The following DHRS7B variants were observed in gnomAD, a reference collection of about 807,000 sequenced individuals.
DHRS7B encodes dehydrogenase/reductase 7B.
DHRS7B carries 24 observed loss-of-function variants against 26.4 expected under a neutral mutation model. That is an observed-to-expected ratio of 0.91 (90% CI 0.66 to 1.28). DHRS7B has a LOEUF of 1.28. DHRS7B is among the 50% of genes most tolerant of loss of function. The probability of loss-of-function intolerance (pLI) is 0.00; values close to 1 mark genes in which losing one functional copy is unlikely to be tolerated. For synonymous variants in DHRS7B, 142 were observed against 166.4 expected, an observed-to-expected ratio of 0.85 and a Z score of 1.13; for missense variants, 368 against 419.4, an observed-to-expected ratio of 0.88 and a Z score of 1.07.
chr17:21,150,105 TAAA>T (rs61516968), intron 1 of DHRS7B, among the ~76,000 whole-genome samples: 2 of 50,052 alleles, frequency 4.0e-5, no homozygotes, highest in Non-Finnish European at 3.8e-5. Flanking sequence ...CATCTCTATT[TAAA>T]AAAAAAAAAA....
intron 2 of DHRS7B, among the ~76,000 whole-genome samples, chr17:21,173,300 G>A (rs1049511811): frequency 6.6e-6 from 1 of 152,242 alleles, no homozygotes; most frequent in Non-Finnish European, 1.5e-5. Context: ...TTACATGCAT[G>A]ATCTCACTGA....
chr17:21,128,622 C>G (rs11204335), intron 1 of DHRS7B: 53,314 of 151,772 alleles, frequency 0.35, 9,584 homozygotes, highest in Middle Eastern at 0.42. Context: ...ATGGCGTGCT[C>G]CGGATGGCGG....
At chr17:21,130,705 TA>T (rs562202516) in intron 1 of DHRS7B, among the ~76,000 whole-genome samples, 25 of 149,942 alleles carry the variant, frequency 1.7e-4, no homozygotes, top group African/African-American at 4.6e-4. Flanking sequence ...GCATGACAAC[TA>T]AAAAAAAAAT....
chr17:21,180,073 CTTTTT>C (rs59348588), intron 3 of DHRS7B, among the ~76,000 whole-genome samples: 2 of 121,896 alleles, frequency 1.6e-5, no homozygotes, highest in Admixed American at 8.4e-5. Flanking sequence ...AGCCCACTTT[CTTTTT>C]TTTTTTTTTT....
At chr17:21,156,771 G>A (rs1326545355) in intron 1 of DHRS7B, among the ~76,000 whole-genome samples, 1 of 151,560 alleles carries the variant, frequency 6.6e-6, no homozygotes, top group Non-Finnish European at 1.5e-5. Flanking sequence ...AAATTAGTTG[G>A]ACGTGGTGGC....
chr17:21,150,388 G>A (rs140538171), intron 1 of DHRS7B, among the ~76,000 whole-genome samples: 3,001 of 151,994 alleles, frequency 0.02, 114 homozygotes, highest in African/African-American at 0.068. Context: ...AGGCTGAGGC[G>A]GGTGGATCAC....
At chr17:21,170,470 G>T (rs981494167) in intron 1 of DHRS7B, among the ~76,000 whole-genome samples, 2 of 152,196 alleles carry the variant, frequency 1.3e-5, no homozygotes, top group African/African-American at 4.8e-5. Flanking sequence ...TCATACAATG[G>T]AGGCTTGGCA....
chr17:21,189,767 C>T (rs772530184), intron 6 of DHRS7B, among the ~76,000 whole-genome samples: 6 of 152,334 alleles, frequency 3.9e-5, no homozygotes, highest in Non-Finnish European at 5.9e-5. Context: ...ATTATCTCTG[C>T]GGCATTTAAA....
intron 1 of DHRS7B, among the ~76,000 whole-genome samples, chr17:21,158,287 A>G (rs1298359588): frequency 6.6e-6 from 1 of 152,254 alleles, no homozygotes; most frequent in African/African-American, 2.4e-5. Context: ...AGTCCTATAT[A>G]GTGCAGTAAG....
intron 1 of DHRS7B, among the ~76,000 whole-genome samples, chr17:21,133,963 C>T (rs1164708513): frequency 6.6e-6 from 1 of 151,836 alleles, no homozygotes; most frequent in Non-Finnish European, 1.5e-5. Context: ...TGTCTGGCTT[C>T]AGTTTGCAGG....
At chr17:21,188,122 T>G (rs1027951213) in intron 5 of DHRS7B, among the ~76,000 whole-genome samples, 1 of 152,150 alleles carries the variant, frequency 6.6e-6, no homozygotes, top group Non-Finnish European at 1.5e-5. Flanking sequence ...AGTGCTGGGA[T>G]TACAGGTGTG....
chr17:21,166,450 G>A, intron 1 of DHRS7B: 1 of 985,264 alleles, frequency 1.0e-6, no homozygotes, highest in Non-Finnish European at 1.2e-6. Flanking sequence ...AACCGCCACT[G>A]GCAAGGTAGC....
chr17:21,167,342 C>T (rs1352775435), intron 1 of DHRS7B, among the ~76,000 whole-genome samples: 1 of 152,156 alleles, frequency 6.6e-6, no homozygotes, highest in African/African-American at 2.4e-5. Flanking sequence ...GACTTTGCTA[C>T]CTTTGCACTC....
chr17:21,171,981 A>G (rs960734055), intron 1 of DHRS7B, 37 bp from the exon 2 acceptor site: 25 of 1,613,772 alleles, frequency 1.5e-5, no homozygotes, highest in Non-Finnish European at 2.1e-5. Flanking sequence ...GAACTCTGCT[A>G]CTTTGTCACT....
chr17:21,167,490 G>A (rs999469881), intron 1 of DHRS7B, among the ~76,000 whole-genome samples: 1 of 152,188 alleles, frequency 6.6e-6, no homozygotes, highest in Non-Finnish European at 1.5e-5. Context: ...TGTGTTTCAG[G>A]TCTCTTGCCC....
chr17:21,139,337 G>A (rs529227708), intron 1 of DHRS7B, among the ~76,000 whole-genome samples: 2 of 152,198 alleles, frequency 1.3e-5, no homozygotes, highest in Non-Finnish European at 2.9e-5. Context: ...TGTAACCCCC[G>A]TGCCATATTT....
intron 1 of DHRS7B, among the ~76,000 whole-genome samples, chr17:21,133,413 G>T (rs1973280087): frequency 7.9e-6 from 1 of 126,436 alleles, no homozygotes; most frequent in Non-Finnish European, 1.8e-5. Context: ...CACTCAAAGT[G>T]GGGCCCCCCT....
chr17:21,161,516 T>C (rs1330776065), intron 1 of DHRS7B, among the ~76,000 whole-genome samples: 2 of 152,196 alleles, frequency 1.3e-5, no homozygotes, highest in Non-Finnish European at 2.9e-5. Context: ...TGGTAGATTG[T>C]AGATTTGTCC....
intron 1 of DHRS7B, among the ~76,000 whole-genome samples, chr17:21,137,603 A>G (rs1029052353): frequency 6.6e-6 from 1 of 152,144 alleles, no homozygotes; most frequent in Middle Eastern, 3.4e-3. Flanking sequence ...GATTAGAGGC[A>G]TGTGCCACCA....
Sources: allele counts gnomAD v4.1 joint callset (sites outside exome capture counted in the v4.1 genomes callset), GRCh38; gene constraint gnomAD v4.1.1; transcripts MANE v1.5; gene names NCBI Gene and HGNC (gene_info 2026-07-23, HGNC 2026-07-21).